Variants in IKBKB-DT observed in about 807,000 individuals in gnomAD.
IKBKB-DT encodes the protein IKBKB divergent transcript.
intron 3 of IKBKB-DT, among the ~76,000 whole-genome samples, chr8:42,234,524 GTGTC>G (rs1275142407): frequency 2.0e-5 from 3 of 152,222 alleles, no homozygotes; most frequent in Non-Finnish European, 4.4e-5. Context: ...TAAATCTGAT[GTGTC>G]TGACTGCATT....
intron 1 of IKBKB-DT, among the ~76,000 whole-genome samples, chr8:42,268,714 C>T (rs928732928): frequency 2.3e-4 from 34 of 149,334 alleles, no homozygotes; most frequent in African/African-American, 7.4e-4. Context: ...TTATAGGCAC[C>T]TGCCACCACG....
rs1204603579 is a variant in IKBKB-DT at position 42,240,115 on chromosome 8, T to C, written n.1530-6256A>G. 2.6e-5 allele frequency among the ~76,000 whole-genome samples: 4 copies of C among 152,232 alleles called. No homozygotes were observed. The South Asian group carries it at 8.3e-4, about 32-fold the overall frequency. ...ATTTGCTTGTTCTGTACATAAACTA[T>C]GATACAGCCTCTAGACATAAGAAAA... On this transcript the variant is annotated intron_variant and non_coding_transcript_variant, in intron 3 of 3. Coordinates refer to ENST00000518213, the Ensembl canonical transcript of IKBKB-DT.
intron 3 of IKBKB-DT, among the ~76,000 whole-genome samples, chr8:42,241,913 C>A (rs1290963588): frequency 6.6e-6 from 1 of 152,012 alleles, no homozygotes; most frequent in East Asian, 1.9e-4. Flanking sequence ...AAAAGGGTAC[C>A]CATTTAAAGT....
At position 42,241,801 on chromosome 8, in the gene IKBKB-DT, G is replaced by T. The variant is rs376819562; in HGVS notation, n.1530-7942C>A. The stretch of plus-strand genomic sequence containing the variant: ...AGTGGTAAAAGTCATGTTAATGCTG[G>T]CAGGAGAACACAAAGAGAATGGGTA... On this transcript the variant is annotated intron_variant and non_coding_transcript_variant, in intron 3 of 3. Coordinates refer to ENST00000518213, the Ensembl canonical transcript of IKBKB-DT. Among the ~76,000 whole-genome samples the T allele has an allele frequency of 9.8e-5, 15 of 152,326 alleles. 1 individual carries two copies. In the South Asian group the frequency reaches 1.2e-3, roughly 13 times the overall value.
At chr8:42,249,765 G>A (rs895282462) in intron 3 of IKBKB-DT, among the ~76,000 whole-genome samples, 1 of 152,056 alleles carries the variant, frequency 6.6e-6, no homozygotes, top group Non-Finnish European at 1.5e-5. Flanking sequence ...AAGAAAACAT[G>A]TATTATTCTC....
intron 3 of IKBKB-DT, among the ~76,000 whole-genome samples, chr8:42,234,788 C>G (rs1258677432): frequency 2.0e-5 from 3 of 152,098 alleles, no homozygotes; most frequent in Non-Finnish European, 4.4e-5. Context: ...CACCATCACG[C>G]CTGACTAATT....
chr8:42,252,029 TGCTGGCTGCTGCGCCAATA>T (rs1807134776), intron 3 of IKBKB-DT, among the ~76,000 whole-genome samples: 2 of 152,140 alleles, frequency 1.3e-5, no homozygotes, highest in Non-Finnish European at 2.9e-5. Context: ...CATAAGTGAA[TGCTGGCTGCTGCGCCAATA>T]GGAAAAGGCT....
chr8:42,262,846 C>G (rs1465416263), intron 3 of IKBKB-DT, among the ~76,000 whole-genome samples: 1 of 152,002 alleles, frequency 6.6e-6, no homozygotes, highest in East Asian at 1.9e-4. Flanking sequence ...TCTAGTGATC[C>G]TCCTGCCTCA....
intron 3 of IKBKB-DT, among the ~76,000 whole-genome samples, chr8:42,254,217 C>T (rs1807164662): frequency 6.6e-6 from 1 of 152,194 alleles, no homozygotes; most frequent in Admixed American, 6.5e-5. Context: ...TTTACAGGTG[C>T]ATAATAGTTT....
intron 3 of IKBKB-DT, among the ~76,000 whole-genome samples, chr8:42,246,550 T>C (rs574202453): frequency 8.5e-5 from 13 of 152,336 alleles, no homozygotes; most frequent in African/African-American, 2.9e-4. Flanking sequence ...AGCAGGCCCC[T>C]AGCACAGTCA....
intron 3 of IKBKB-DT, among the ~76,000 whole-genome samples, chr8:42,237,396 A>T (rs1322395770): frequency 6.6e-6 from 1 of 151,878 alleles, no homozygotes; most frequent in Admixed American, 6.6e-5. Flanking sequence ...TAGTCTTATG[A>T]TCTCTATTTT....
Position 42,257,448 on chromosome 8 carries a change from C to T in IKBKB-DT, n.1529+5881G>A, listed in dbSNP as rs546568149. ...ACCCGGAGGTGGAGGTTACAGTGAG[C>T]CAAGATCGCGCCACTGCACTCCAGC... On this transcript the variant is annotated intron_variant and non_coding_transcript_variant, in intron 3 of 3. Transcript: ENST00000518213. Among the ~76,000 whole-genome samples the T allele has an allele frequency of 5.3e-5, 8 of 151,802 alleles. 1 individual carries two copies. The highest frequency in any genetic ancestry group is 1.9e-4 in the African/African-American group (8 of 41,412).
intron 3 of IKBKB-DT, among the ~76,000 whole-genome samples, chr8:42,254,220 A>G (rs28483817): frequency 0.24 from 36,166 of 152,254 alleles, 10,431 homozygotes; most frequent in African/African-American, 0.69. Context: ...ACAGGTGCAT[A>G]ATAGTTTTTT....
chr8:42,235,269 A>G (rs147624708), intron 3 of IKBKB-DT, among the ~76,000 whole-genome samples: 1,479 of 147,004 alleles, frequency 0.01, 22 homozygotes, highest in African/African-American at 0.036. Flanking sequence ...CAGTGGCACA[A>G]TCTCAGCTCA....
At chr8:42,260,962 C>A (rs1807279033) in intron 3 of IKBKB-DT, among the ~76,000 whole-genome samples, 1 of 152,048 alleles carries the variant, frequency 6.6e-6, no homozygotes, top group African/African-American at 2.4e-5. Context: ...CCATAGACAG[C>A]CAAGGGAAGA....
chr8:42,266,997 T>G (rs74347770), intron 1 of IKBKB-DT, among the ~76,000 whole-genome samples: 13 of 137,270 alleles, frequency 9.5e-5, no homozygotes, highest in Non-Finnish European at 1.6e-4. Flanking sequence ...TTGTTTGTTT[T>G]TTTTTTGTTT....
At chr8:42,256,271 A>G (rs1315286613) in intron 3 of IKBKB-DT, among the ~76,000 whole-genome samples, 1 of 152,074 alleles carries the variant, frequency 6.6e-6, no homozygotes, top group Non-Finnish European at 1.5e-5. Flanking sequence ...CATAAGAATT[A>G]TAATCATCAG....
chr8:42,251,245 C>T (rs1807125412), intron 3 of IKBKB-DT, among the ~76,000 whole-genome samples: 1 of 152,256 alleles, frequency 6.6e-6, no homozygotes, highest in Non-Finnish European at 1.5e-5. Flanking sequence ...CGAGAGCACA[C>T]TTGAACAAAG....
chr8:42,255,781 T>C lies in IKBKB-DT; in HGVS notation n.1529+7548A>G, dbSNP rs182807059. Reference sequence around the variant, plus strand: ...TGGCTCACACCTGTAATCCCAGCACTTTGGGAGGCCGAGGCGGGTGGATCA... The same window carrying C: ...TGGCTCACACCTGTAATCCCAGCACCTTGGGAGGCCGAGGCGGGTGGATCA... On this transcript the variant is annotated intron_variant and non_coding_transcript_variant, in intron 3 of 3. Transcript: ENST00000518213. Among the ~76,000 whole-genome samples, 234 of 152,226 alleles carry C rather than the reference T, an allele frequency of 1.5e-3. 3 individuals are homozygous for C. Among genetic ancestry groups the C allele is most frequent in the African/African-American group, 5.1e-3 (210 of 41,558 alleles).
Sources: allele counts gnomAD v4.1 joint callset (sites outside exome capture counted in the v4.1 genomes callset), GRCh38; gene constraint gnomAD v4.1.1; transcripts MANE v1.5; gene names NCBI Gene and HGNC (gene_info 2026-07-23, HGNC 2026-07-21).